TNNT2: variants seen among roughly 807,000 people sequenced by gnomAD.
TNNT2 encodes troponin T2, cardiac type.
TNNT2 carries 34 observed loss-of-function variants against 62.4 expected under a neutral mutation model. That is an observed-to-expected ratio of 0.54 (90% CI 0.41 to 0.72). TNNT2 has a LOEUF of 0.72. TNNT2 is among the 30% of genes least tolerant of loss of function. TNNT2 has a pLI of 0.00. For synonymous variants in TNNT2, 123 were observed against 127.2 expected (o/e 0.97, Z 0.22); for missense variants, 275 against 381.9 (o/e 0.72, Z 2.33).
At chr1:201,366,691 T>A in intron 8 of TNNT2, 147 bp downstream of exon 8, 1 of 1,579,324 alleles carries the variant, frequency 6.3e-7, no homozygotes, top group Non-Finnish European at 8.6e-7. Context: ...GCTTGTGCAG[T>A]ACACAACTTG....
chr1:201,373,629 C>A, intron 1 of TNNT2: 1 of 348,300 alleles, frequency 2.9e-6, no homozygotes, highest in South Asian at 2.6e-5. Flanking sequence ...CTGTACAAAT[C>A]TTCACTGCAC....
At chr1:201,374,444 C>T (rs1006099719) in intron 1 of TNNT2, 7 of 152,216 alleles carry the variant, frequency 4.6e-5, no homozygotes, top group Admixed American at 1.3e-4. Flanking sequence ...GTGTACACAT[C>T]CTGGCTACTC....
At chr1:201,362,217 T>C in intron 13 of TNNT2, 169 bp downstream of exon 13, 1 of 1,279,800 alleles carries the variant, frequency 7.8e-7, no homozygotes, top group Non-Finnish European at 1.1e-6. Context: ...AAGGATCACG[T>C]CAGTCTCTTC....
chr1:201,371,987 C>T (rs890951303), intron 4 of TNNT2, 40 bp downstream of exon 4: 13 of 1,613,634 alleles, frequency 8.1e-6, no homozygotes, highest in South Asian at 6.6e-5. Flanking sequence ...CATTGCTGAG[C>T]CTGCCCCTTT....
chr1:201,373,764 G>T, intron 1 of TNNT2: 2 of 203,132 alleles, frequency 9.8e-6, no homozygotes, highest in East Asian at 1.2e-4. Flanking sequence ...AGTAAAGCTG[G>T]GATTTTGCCA....
At chr1:201,373,174 G>A (rs1660909964) in intron 2 of TNNT2, 40 bp downstream of exon 2, 2 of 1,606,882 alleles carry the variant, frequency 1.2e-6, no homozygotes, top group African/African-American at 2.7e-5. Flanking sequence ...GGCAGCGGCG[G>A]GAGAGGACCC....
rs761043932 is a variant in TNNT2, at chr1:201,365,185, A to T, written c.411+6T>A. 54 of 1,606,352 alleles carry T rather than the reference A, an allele frequency of 3.4e-5. No individual in the cohort carries two copies. The highest frequency in any genetic ancestry group is 4.6e-5 in the Non-Finnish European group (54 of 1,173,104). On this transcript the variant is annotated splice_donor_region_variant and intron_variant, in intron 10 of 16. Coordinates refer to ENST00000656932, the MANE Select transcript of TNNT2 (RefSeq NM_001276345.2). ...AGAATGTTAGGTGGGCAGACTGGAC[A>T]CCTACGATCCTGTCTTTGAGAGAAA...
chr1:201,371,761 G>A (rs1475885685), intron 4 of TNNT2, among the ~76,000 whole-genome samples: 2 of 152,116 alleles, frequency 1.3e-5, no homozygotes, highest in Non-Finnish European at 2.9e-5. Flanking sequence ...CATGATAAAA[G>A]GGAGAAGAAG....
intron 9 of TNNT2, 73 bp from the exon 10 acceptor site, chr1:201,365,380 C>A (rs1443984285): frequency 5.1e-6 from 7 of 1,363,080 alleles, no homozygotes; most frequent in Non-Finnish European, 7.3e-6. Context: ...GGGCTAGACA[C>A]CCCCCAACGC....
chr1:201,368,365 AC>A, intron 5 of TNNT2, 138 bp from the exon 6 acceptor site: 1 of 839,854 alleles, frequency 1.2e-6, no homozygotes, highest in Non-Finnish European at 2.0e-6. Context: ...GGGGCAACCA[AC>A]GTGCTGGGGG....
Position 201,373,108 on chromosome 1 carries a change from G to A in TNNT2, c.41+106C>T, listed in dbSNP as rs144720141. ...CCTCGGGGTGCCCAAAACACACACA[G>A]CTACTTCTACCCAGAATCCGAGGGA... is the stretch of plus-strand genomic sequence containing the variant. On this transcript the variant is annotated intron_variant, in intron 2 of 16. Transcript: ENST00000656932. The A allele has an allele frequency of 5.2e-5, 60 of 1,149,680 alleles. No individual in the cohort carries two copies. The African/African-American group carries it at 8.6e-4, about 17-fold the overall frequency. The allele number at this position is 1,149,680 out of a possible 1,614,324, so 71.2% of individuals were successfully genotyped here. A position where few individuals can be genotyped will look rare whatever the true frequency, so the allele number is the denominator to read the frequency against.
At position 201,364,358 on chromosome 1, in the gene TNNT2, C is replaced by T. The variant is rs1659273242; in HGVS notation, c.429G>A (p.Glu143=). The T allele has an allele frequency of 6.2e-7, 1 of 1,613,006 alleles. No homozygotes were observed. Among genetic ancestry groups the T allele is most frequent in the African/African-American group, 1.3e-5 (1 of 74,946 alleles). ...LKDRIERRRA[E]RAEQQRIRNE... ...TCCGGATGCGCTGCTGCTCGGCCCG[C>T]TCTGCCCGACGTCTCTCCTAAGGAG... Residue 143 remains glutamate (E), a synonymous_variant, in exon 11 of 17, where the codon GAG becomes GAA. Transcript: ENST00000656932.
chr1:201,368,287 C>T (rs931757029), intron 5 of TNNT2, 60 bp from the exon 6 acceptor site: 2 of 1,578,576 alleles, frequency 1.3e-6, no homozygotes, highest in Non-Finnish European at 1.7e-6. Context: ...TCAGGCAGAA[C>T]CCAGAGCAGA....
intron 4 of TNNT2, among the ~76,000 whole-genome samples, chr1:201,371,327 G>A (rs546756941): frequency 4.9e-4 from 75 of 152,330 alleles, no homozygotes; most frequent in African/African-American, 1.7e-3. Flanking sequence ...ACCCACAGCT[G>A]AGGAGGGCGA....
rs1443185426 is a variant in TNNT2, at chr1:201,377,680, T to C, written c.-72A>G. 2.2e-6 allele frequency: 1 copy of C among 454,034 alleles called. No individual in the cohort carries two copies. Among genetic ancestry groups the C allele is most frequent in the Non-Finnish European group, 4.4e-6 (1 of 226,516 alleles). 28.1% of individuals were successfully genotyped at this position (454,034 alleles called of 1,614,324 possible). On this transcript the variant is annotated 5_prime_UTR_variant, in exon 1 of 17. Transcript: ENST00000656932. ...GCGTCTGCTCAGTCTCAGCGGGGAC[T>C]GGGTGAGGCAGAGGATGGAGAGGGC...
intron 11 of TNNT2, chr1:201,363,637 C>A: frequency 1.9e-6 from 1 of 537,762 alleles, no homozygotes; most frequent in Non-Finnish European, 3.4e-6. Context: ...TCTCGTCATC[C>A]CCTTAAGCTG....
intron 14 of TNNT2, 48 bp from the exon 15 acceptor site, chr1:201,361,417 T>G: frequency 3.1e-5 from 46 of 1,484,694 alleles, no homozygotes; most frequent in African/African-American, 4.1e-5. Context: ...GAAAGGGCCC[T>G]CCTGGGCCTC....
chr1:201,359,074 T>C lies in TNNT2; in HGVS notation c.*136A>G. ...TGGGTGTGGGGGCAGGCAGGAGTGG[T>C]GGCTCCCACCTAGGCCAGCTCCCCA... On this transcript the variant is annotated 3_prime_UTR_variant, in exon 17 of 17. Transcript: ENST00000656932. 1 of 1,103,698 alleles carries C rather than the reference T, an allele frequency of 9.1e-7. No individual in the cohort carries two copies. Among genetic ancestry groups the C allele is most frequent in the South Asian group, 1.3e-5 (1 of 74,984 alleles). The allele number at this position is 1,103,698 out of a possible 1,614,324, so 68.4% of individuals were successfully genotyped here. A position where few individuals can be genotyped will look rare whatever the true frequency, so the allele number is the denominator to read the frequency against.
In TNNT2 at chr1:201,363,285, T is replaced by C. The variant is rs1377139344; in HGVS notation, c.600+11A>G. On this transcript the variant is annotated intron_variant, in intron 12 of 16. Transcript: ENST00000656932. ...AGGATCTCCTGGCAACCCCTGCTGC[T>C]CCCTACCTACCTTCTGGATGTAACC... is the stretch of plus-strand genomic sequence containing the variant. The C allele has an allele frequency of 5.6e-6, 9 of 1,613,972 alleles. No homozygotes were observed. Among genetic ancestry groups the C allele is most frequent in the Non-Finnish European group, 6.8e-6 (8 of 1,179,972 alleles).
Sources: allele counts gnomAD v4.1 joint callset (sites outside exome capture counted in the v4.1 genomes callset), GRCh38; gene constraint gnomAD v4.1.1; transcripts MANE v1.5; gene names NCBI Gene and HGNC (gene_info 2026-07-23, HGNC 2026-07-21).